The following SOX6 variants were observed in gnomAD, a reference collection of about 807,000 sequenced individuals.
The protein encoded by SOX6 is SRY-box transcription factor 6.
SOX6 carries 11 observed loss-of-function variants against 97.8 expected under a neutral mutation model. That is an observed-to-expected ratio of 0.11 (90% confidence interval 0.07 to 0.19). SOX6 has a LOEUF of 0.19. Among genes scored for constraint, SOX6 ranks in the 10% least tolerant of loss-of-function variants. The pLI, the probability that SOX6 is intolerant of heterozygous loss-of-function variation, is 1.00. For missense variants in SOX6, 810 were observed against 1,039.5 expected (o/e 0.78, Z 3.04); for synonymous variants, 360 against 371.4 (o/e 0.97, Z 0.35).
intron 1 of SOX6, among the ~76,000 whole-genome samples, chr11:16,374,616 T>G (rs1452500299): frequency 6.6e-6 from 1 of 152,082 alleles, no homozygotes; most frequent in Non-Finnish European, 1.5e-5. Flanking sequence ...ACAATATGAT[T>G]CAAATACTTT....
intron 15 of SOX6, among the ~76,000 whole-genome samples, chr11:15,983,786 A>C (rs551460780): frequency 1.1e-3 from 170 of 152,270 alleles, no homozygotes; most frequent in African/African-American, 3.8e-3. Context: ...CCTATTCTGC[A>C]GTCTAAAATG....
chr11:16,551,414 C>T (rs1847684788), intron 4 of SOX6, among the ~76,000 whole-genome samples: 1 of 151,928 alleles, frequency 6.6e-6, no homozygotes, highest in Non-Finnish European at 1.5e-5. Context: ...TAGATAATTA[C>T]ATTAAATAAA....
chr11:16,015,844 C>G (rs151330401), intron 12 of SOX6, among the ~76,000 whole-genome samples: 1 of 152,172 alleles, frequency 6.6e-6, no homozygotes, highest in African/African-American at 2.4e-5. Flanking sequence ...CGTCTCCTCA[C>G]TACTCTCCTG....
chr11:16,042,541 A>G (rs1316580788), intron 12 of SOX6, among the ~76,000 whole-genome samples: 1 of 152,204 alleles, frequency 6.6e-6, no homozygotes, highest in Non-Finnish European at 1.5e-5. Context: ...GTATTGTTCT[A>G]TAAGTGGAAA....
chr11:15,990,092 T>C (rs1806466696), intron 13 of SOX6, among the ~76,000 whole-genome samples: 1 of 152,074 alleles, frequency 6.6e-6, no homozygotes, highest in South Asian at 2.1e-4. Context: ...CTCCCCAGGC[T>C]GCACTCAGTC....
intron 10 of SOX6, among the ~76,000 whole-genome samples, chr11:16,053,568 G>T (rs773296918): frequency 2.6e-5 from 4 of 151,950 alleles, no homozygotes; most frequent in Non-Finnish European, 4.4e-5. Context: ...TTTCAGAGGA[G>T]AAAACTAAAG....
At chr11:15,998,707 G>T (rs570610416) in intron 13 of SOX6, among the ~76,000 whole-genome samples, 1 of 152,044 alleles carries the variant, frequency 6.6e-6, no homozygotes, top group South Asian at 2.1e-4. Context: ...AACAAATACC[G>T]CCAGAACAAG....
intron 4 of SOX6, among the ~76,000 whole-genome samples, chr11:16,510,679 C>A (rs1860867506): frequency 2.0e-5 from 3 of 151,862 alleles, no homozygotes; most frequent in Admixed American, 1.3e-4. Context: ...ATTATTAATA[C>A]CCTGGCTCTT....
chr11:16,274,085 T>C (rs1193170689), intron 3 of SOX6, among the ~76,000 whole-genome samples: 1 of 152,106 alleles, frequency 6.6e-6, no homozygotes, highest in African/African-American at 2.4e-5. Context: ...AACTGTTTCT[T>C]TTAAAAATAA....
chr11:16,601,448 A>G (rs1848268678), intron 4 of SOX6, among the ~76,000 whole-genome samples: 2 of 152,192 alleles, frequency 1.3e-5, no homozygotes, highest in South Asian at 4.1e-4. Flanking sequence ...AATAGCTCTT[A>G]GATAAACCAA....
In SOX6 at chr11:16,084,077, C is replaced by T. The variant is rs192837821; in HGVS notation, c.1101+11919G>A. ...ATTGTGGAGTGGCTGTCACTTCTTG[C>T]TAAAGAGCACTGTACTGGGCCTCAT... On this transcript the variant is annotated intron_variant, in intron 9 of 15. Coordinates refer to ENST00000683767, the MANE Select transcript of SOX6 (RefSeq NM_001367873.1). Among the ~76,000 whole-genome samples the T allele has an allele frequency of 4.2e-3, 636 of 152,206 alleles. 4 individuals are homozygous for T. Among genetic ancestry groups the T allele is most frequent in the African/African-American group, 0.014 (574 of 41,546 alleles).
intron 3 of SOX6, among the ~76,000 whole-genome samples, chr11:16,270,940 G>T (rs1166812297): frequency 6.6e-6 from 1 of 151,276 alleles, no homozygotes; most frequent in Non-Finnish European, 1.5e-5. Flanking sequence ...TTTGGGAATA[G>T]TGGTGATAGT....
intron 4 of SOX6, among the ~76,000 whole-genome samples, chr11:16,609,991 C>G (rs959088157): frequency 6.6e-6 from 1 of 152,200 alleles, no homozygotes; most frequent in East Asian, 1.9e-4. Context: ...CTGGGCAGCT[C>G]TTAAAGGCCA....
At chr11:16,179,927 A>C (rs761000366) in intron 6 of SOX6, among the ~76,000 whole-genome samples, 2 of 151,860 alleles carry the variant, frequency 1.3e-5, no homozygotes, top group Non-Finnish European at 2.9e-5. Flanking sequence ...TGGAAAAGGA[A>C]GTTTCTCACA....
intron 15 of SOX6, among the ~76,000 whole-genome samples, chr11:15,982,025 A>G (rs1436971454): frequency 6.6e-6 from 1 of 151,996 alleles, no homozygotes; most frequent in Admixed American, 6.6e-5. Flanking sequence ...GGGAGAGTTC[A>G]GAGGAATAAA....
intron 6 of SOX6, among the ~76,000 whole-genome samples, chr11:16,121,152 T>A (rs1282829450): frequency 6.6e-6 from 1 of 152,098 alleles, no homozygotes; most frequent in Non-Finnish European, 1.5e-5. Flanking sequence ...TAGGATCATA[T>A]GTAGTCAAAA....
chr11:16,379,743 TTTAAACTAAAGAAATA>T (rs1565122063), intron 1 of SOX6, among the ~76,000 whole-genome samples: 76 of 152,174 alleles, frequency 5.0e-4, no homozygotes, highest in African/African-American at 1.8e-3. Context: ...TTTTTAAGAA[TTTAAACTAAAGAAATA>T]ATTACAGATG....
chr11:16,419,931 C>T lies in SOX6; in HGVS notation c.-5+56384G>A, dbSNP rs141313377. The stretch of plus-strand genomic sequence containing the variant: ...TGACTTTAAGAACATCCCTACATGA[C>T]GGGGGAAAAGGTGACAGAATGGATT... On this transcript the variant is annotated intron_variant, in intron 1 of 15. Coordinates refer to the SOX6 transcript ENST00000396356. Among the ~76,000 whole-genome samples the T allele has an allele frequency of 9.9e-5, 15 of 152,184 alleles. No individual in the cohort carries two copies. In the East Asian group the frequency reaches 1.7e-3, roughly 18 times the overall value.
intron 4 of SOX6, among the ~76,000 whole-genome samples, chr11:16,544,080 C>T (rs1431366038): frequency 1.3e-5 from 2 of 152,030 alleles, no homozygotes; most frequent in African/African-American, 4.8e-5. Flanking sequence ...AATGGATAAA[C>T]TTAGAAAACA....
Sources: gnomAD v4.1 joint callset for allele counts (sites outside exome capture counted in the v4.1 genomes callset) on GRCh38, gnomAD v4.1.1 for gene constraint, MANE v1.5 for transcripts, NCBI Gene and HGNC (gene_info 2026-07-23, HGNC 2026-07-21) for gene names.